The following ERC1 variants were observed in gnomAD, a reference collection of about 807,000 sequenced individuals.
ERC1 encodes RAB6 interacting protein 2.
ERC1 carries 56 observed loss-of-function variants against 132.0 expected under a neutral mutation model. The observed-to-expected ratio is 0.42, with a 90% confidence interval of 0.34 to 0.53. ERC1 has a LOEUF of 0.53. Among genes scored for constraint, ERC1 ranks in the 20% least tolerant of loss-of-function variants. The probability of loss-of-function intolerance (pLI) is 0.03; values close to 1 mark genes in which losing one functional copy is unlikely to be tolerated. For synonymous variants in ERC1, 478 were observed against 476.1 expected, an observed-to-expected ratio of 1.00 and a Z score of -0.05; for missense variants, 1,202 against 1,349.9, an observed-to-expected ratio of 0.89 and a Z score of 1.72.
chr12:1,069,080 T>C (rs185297631), intron 2 of ERC1, among the ~76,000 whole-genome samples: 166 of 152,368 alleles, frequency 1.1e-3, no homozygotes, highest in Admixed American at 2.1e-3. Context: ...AGGGTTCTGC[T>C]AAGACAGCTT....
intron 14 of ERC1, among the ~76,000 whole-genome samples, chr12:1,282,165 G>A (rs1342258435): frequency 6.6e-6 from 1 of 152,098 alleles, no homozygotes; most frequent in East Asian, 1.9e-4. Context: ...ATACCATTGT[G>A]GGTGATTTTG....
intron 14 of ERC1, among the ~76,000 whole-genome samples, chr12:1,289,381 T>G (rs2079272592): frequency 6.6e-6 from 1 of 151,974 alleles, no homozygotes; most frequent in South Asian, 2.1e-4. Context: ...TTCTTAATGA[T>G]GTAAATAGGA....
At chr12:1,302,541 C>T (rs1054077097) in intron 15 of ERC1, among the ~76,000 whole-genome samples, 2 of 152,178 alleles carry the variant, frequency 1.3e-5, no homozygotes, top group African/African-American at 4.8e-5. Flanking sequence ...CGTATGTATT[C>T]ATAAACATGG....
rs921889061 is a variant in ERC1 at position 994,363 on chromosome 12, A to C, written c.-157+3041A>C. On this transcript the variant is annotated intron_variant, in intron 1 of 18. Coordinates refer to ENST00000360905, the MANE Select transcript of ERC1 (RefSeq NM_178040.4). ...ATTTTTTGTGTGTGGAATGTAATTG[A>C]AATCTGTTGCTCACCAAGTCTTTCA... Among the ~76,000 whole-genome samples the C allele has an allele frequency of 3.9e-5, 6 of 152,200 alleles. No individual in the cohort carries two copies. In the South Asian group the frequency reaches 1.2e-3, roughly 32 times the overall value.
chr12:1,398,172 TG>T (rs2090703085), intron 16 of ERC1, among the ~76,000 whole-genome samples: 2 of 151,926 alleles, frequency 1.3e-5, no homozygotes, highest in Admixed American at 1.3e-4. Context: ...TTTGTAGAGA[TG>T]GGGTTTCACC....
intron 1 of ERC1, among the ~76,000 whole-genome samples, chr12:993,059 A>G (rs1199978600): frequency 6.6e-6 from 1 of 152,230 alleles, no homozygotes; most frequent in African/African-American, 2.4e-5. Flanking sequence ...GTCTTCCAGC[A>G]AATACTTCTA....
chr12:1,399,006 T>C (rs2090792138), intron 16 of ERC1, among the ~76,000 whole-genome samples: 2 of 136,998 alleles, frequency 1.5e-5, no homozygotes, highest in South Asian at 4.9e-4. Flanking sequence ...AGAGCAATGG[T>C]GCGATCATGA....
intron 18 of ERC1, among the ~76,000 whole-genome samples, chr12:1,469,458 T>G (rs2093812392): frequency 6.6e-6 from 1 of 152,228 alleles, no homozygotes; most frequent in Admixed American, 6.5e-5. Context: ...TCTCCAGCTG[T>G]TTTCTCAGAA....
At position 1,293,229 on chromosome 12, in the gene ERC1, C is replaced by T. The variant is rs1164909409; in HGVS notation, c.2780+3217C>T. Among the ~76,000 whole-genome samples the T allele has an allele frequency of 4.4e-4, 66 of 149,924 alleles. 1 individual carries two copies. Among genetic ancestry groups the T allele is most frequent in the African/African-American group, 1.6e-3 (64 of 40,860 alleles). The stretch of plus-strand genomic sequence containing the variant: ...CAGCACTTTGGGAGGCTGAGGCGGG[C>T]AGATCACGAGGTCAGAAGATTGAGA... On this transcript the variant is annotated intron_variant, in intron 15 of 18. Transcript: ENST00000360905.
At chr12:1,387,317 A>G (rs537275526) in intron 16 of ERC1, among the ~76,000 whole-genome samples, 120 of 152,258 alleles carry the variant, frequency 7.9e-4, no homozygotes, top group African/African-American at 2.8e-3. Context: ...GGGTGAACCT[A>G]TGTTGTGTAT....
intron 14 of ERC1, among the ~76,000 whole-genome samples, chr12:1,265,878 T>TA (rs1566431495): frequency 6.6e-6 from 1 of 152,226 alleles, no homozygotes; most frequent in African/African-American, 2.4e-5. Context: ...TGTGGCTTGA[T>TA]AGCTCATTTC....
chr12:1,047,664 T>C (rs1399597673), intron 2 of ERC1, among the ~76,000 whole-genome samples: 1 of 152,226 alleles, frequency 6.6e-6, no homozygotes, highest in East Asian at 1.9e-4. Flanking sequence ...AAAATGCTGA[T>C]TTAAATAAAT....
At chr12:1,049,936 T>C (rs890447638) in intron 2 of ERC1, among the ~76,000 whole-genome samples, 1 of 151,670 alleles carries the variant, frequency 6.6e-6, no homozygotes, top group Non-Finnish European at 1.5e-5. Flanking sequence ...AGAGACAGGG[T>C]TTTACCATGT....
chr12:1,407,946 A>G (rs1178571244), intron 16 of ERC1, among the ~76,000 whole-genome samples: 1 of 152,112 alleles, frequency 6.6e-6, no homozygotes, highest in Non-Finnish European at 1.5e-5. Context: ...GGGGTTCTAC[A>G]TATGAATTTG....
intron 11 of ERC1, among the ~76,000 whole-genome samples, chr12:1,185,085 A>G (rs1954926869): frequency 6.6e-6 from 1 of 151,944 alleles, no homozygotes; most frequent in South Asian, 2.1e-4. Flanking sequence ...TAATTTTTGT[A>G]TTTTTAGTAG....
intron 14 of ERC1, among the ~76,000 whole-genome samples, chr12:1,285,082 A>C (rs994148626): frequency 6.6e-6 from 1 of 151,810 alleles, no homozygotes; most frequent in Non-Finnish European, 1.5e-5. Flanking sequence ...TTTGCTTTGG[A>C]AGTAAGAGTT....
intron 6 of ERC1, 58 bp downstream of exon 6, chr12:1,112,356 A>G (rs1270674609): frequency 1.6e-6 from 2 of 1,253,070 alleles, no homozygotes; most frequent in Non-Finnish European, 1.2e-6. Context: ...GGACCCTGCT[A>G]GCTCTATGGC....
chr12:1,333,198 TG>T (rs2083017316), intron 15 of ERC1, among the ~76,000 whole-genome samples: 1 of 151,948 alleles, frequency 6.6e-6, no homozygotes, highest in Admixed American at 6.6e-5. Flanking sequence ...TGCGAACATG[TG>T]GTATTTGGTT....
intron 1 of ERC1, among the ~76,000 whole-genome samples, chr12:993,210 ATTAG>A (rs1960032114): frequency 1.3e-5 from 2 of 152,188 alleles, no homozygotes; most frequent in South Asian, 2.1e-4. Flanking sequence ...TTGACTTTGG[ATTAG>A]TTAGAAGGAA....
Sources: allele counts gnomAD v4.1 joint callset (sites outside exome capture counted in the v4.1 genomes callset), GRCh38; gene constraint gnomAD v4.1.1; transcripts MANE v1.5; gene names NCBI Gene and HGNC (gene_info 2026-07-23, HGNC 2026-07-21).